The following CFAP44 variants were observed in gnomAD, a reference collection of about 807,000 sequenced individuals.
The protein encoded by CFAP44 is cilia- and flagella-associated protein 44.
A neutral mutation model predicts 216.2 loss-of-function variants in CFAP44; 134 were observed. That is an observed-to-expected ratio of 0.62 (90% CI 0.54 to 0.72). The LOEUF (loss-of-function observed/expected upper bound fraction) is 0.72, where lower values mean the gene tolerates loss of function less well. CFAP44 is among the 30% of genes least tolerant of loss of function. The pLI, the probability that CFAP44 is intolerant of heterozygous loss-of-function variation, is 0.00. For missense variants in CFAP44, 2,035 were observed against 2,182.1 expected (o/e 0.93, Z 1.34); for synonymous variants, 700 against 727.6 (o/e 0.96, Z 0.61).
At chr3:113,317,155 C>T (rs1414708546) in intron 28 of CFAP44, among the ~76,000 whole-genome samples, 3 of 152,172 alleles carry the variant, frequency 2.0e-5, no homozygotes, top group Non-Finnish European at 2.9e-5. Flanking sequence ...TCACTCTTAC[C>T]ACAGACCTCT....
intron 24 of CFAP44, among the ~76,000 whole-genome samples, chr3:113,338,634 A>G (rs9844111): frequency 0.23 from 34,291 of 152,078 alleles, 4,181 homozygotes; most frequent in East Asian, 0.41. Context: ...GAAAAGTAAC[A>G]TAACATCTCT....
chr3:113,390,086 G>T (rs61007952), intron 15 of CFAP44, among the ~76,000 whole-genome samples: 2,545 of 152,214 alleles, frequency 0.017, 56 homozygotes, highest in African/African-American at 0.049. Context: ...GAATATTGAT[G>T]CAAAACCTCA....
At chr3:113,359,818 A>G (rs907605015) in intron 21 of CFAP44, among the ~76,000 whole-genome samples, 4 of 152,178 alleles carry the variant, frequency 2.6e-5, no homozygotes, top group Non-Finnish European at 5.9e-5. Context: ...GGGCTTTGCA[A>G]TAAGTCACAA....
At chr3:113,333,061 C>G (rs533665091) in intron 25 of CFAP44, among the ~76,000 whole-genome samples, 3 of 152,258 alleles carry the variant, frequency 2.0e-5, no homozygotes, top group Admixed American at 2.0e-4. Context: ...TAGAGACATT[C>G]ATCAGAGAGT....
intron 23 of CFAP44, among the ~76,000 whole-genome samples, chr3:113,343,137 C>A (rs1950350429): frequency 1.4e-5 from 2 of 142,638 alleles, no homozygotes; most frequent in East Asian, 2.1e-4. Flanking sequence ...TGTTGGCTCA[C>A]TGCAACCTCC....
rs140397848 is a variant in CFAP44 at position 113,296,457 on chromosome 3, A to G, written c.5238+268T>C. On this transcript the variant is annotated intron_variant, in intron 33 of 34. Transcript: ENST00000393845. ...GTAGGCCTCAAAATGAGATCTCTCC[A>G]TAATCTTTCATCCATTTTACATAAT... Among the ~76,000 whole-genome samples, 11 of 152,300 alleles carry G rather than the reference A, an allele frequency of 7.2e-5. No homozygotes were observed. The East Asian group carries it at 2.1e-3, about 29-fold the overall frequency.
At chr3:113,393,117 A>C (rs1933890470) in intron 15 of CFAP44, among the ~76,000 whole-genome samples, 1 of 152,198 alleles carries the variant, frequency 6.6e-6, no homozygotes, top group Non-Finnish European at 1.5e-5. Flanking sequence ...TTATGCTCAG[A>C]TATGAGATCT....
chr3:113,309,443 A>G (rs764737293), intron 28 of CFAP44, among the ~76,000 whole-genome samples: 65 of 152,174 alleles, frequency 4.3e-4, no homozygotes, highest in Admixed American at 1.2e-3. Context: ...AAACCCCATT[A>G]TAGTAGCCCC....
intron 1 of CFAP44, chr3:113,435,052 T>C (rs562110813): frequency 1.3e-5 from 2 of 152,350 alleles, no homozygotes; most frequent in African/African-American, 2.4e-5. Context: ...ATTTGTATTA[T>C]AAACTATGAT....
intron 17 of CFAP44, among the ~76,000 whole-genome samples, chr3:113,377,825 T>C (rs1933393405): frequency 6.6e-6 from 1 of 152,052 alleles, no homozygotes. Flanking sequence ...GCTAATGTTT[T>C]GTATTTTAGT....
At position 113,287,085 on chromosome 3, in the gene CFAP44, G is replaced by A; in HGVS notation, c.*4472C>T. 1 of 577,490 alleles carries A rather than the reference G, an allele frequency of 1.7e-6. No individual in the cohort carries two copies. The highest frequency in any genetic ancestry group is 3.2e-6 in the Non-Finnish European group (1 of 314,778). 35.8% of individuals were successfully genotyped at this position (577,490 alleles called of 1,614,324 possible). ...AAATAAAGAAGCTGCCACCTAACAG[G>A]AGTCACCCAGGAAAGCACCGCACAG... is the stretch of plus-strand genomic sequence containing the variant. On this transcript the variant is annotated 3_prime_UTR_variant, in exon 35 of 35. Transcript: ENST00000393845.
At chr3:113,334,275 G>C (rs561967713) in intron 24 of CFAP44, among the ~76,000 whole-genome samples, 9 of 152,222 alleles carry the variant, frequency 5.9e-5, no homozygotes, top group Non-Finnish European at 1.2e-4. Flanking sequence ...TTGCATAAGT[G>C]CTTGCTGTAA....
intron 28 of CFAP44, among the ~76,000 whole-genome samples, chr3:113,317,976 C>T (rs1407037793): frequency 6.6e-6 from 1 of 151,932 alleles, no homozygotes; most frequent in Non-Finnish European, 1.5e-5. Flanking sequence ...CTTCAGAACA[C>T]ACCTGCAAAC....
At chr3:113,382,362 G>C (rs1433742271) in intron 15 of CFAP44, among the ~76,000 whole-genome samples, 1 of 152,138 alleles carries the variant, frequency 6.6e-6, no homozygotes, top group African/African-American at 2.4e-5. Flanking sequence ...GGATATTATT[G>C]GTGCTTTTAG....
chr3:113,338,302 G>A (rs1390298780), intron 24 of CFAP44, among the ~76,000 whole-genome samples: 3 of 128,736 alleles, frequency 2.3e-5, no homozygotes, highest in Middle Eastern at 4.3e-3. Context: ...CTCTGTTAAG[G>A]GAATGAAAAG....
chr3:113,426,634 C>T, intron 3 of CFAP44: 1 of 216,118 alleles, frequency 4.6e-6, no homozygotes, highest in Admixed American at 5.2e-5. Context: ...ATAAATTACC[C>T]AGTCTCAGGT....
intron 21 of CFAP44, among the ~76,000 whole-genome samples, chr3:113,359,262 C>T (rs984756002): frequency 6.6e-6 from 1 of 152,154 alleles, no homozygotes; most frequent in Non-Finnish European, 1.5e-5. Flanking sequence ...TGTGACCCCA[C>T]CCAGGAAAGA....
chr3:113,396,115 C>T (rs969531624), intron 14 of CFAP44, among the ~76,000 whole-genome samples: 30 of 152,124 alleles, frequency 2.0e-4, no homozygotes, highest in African/African-American at 7.0e-4. Context: ...AAAAATTATA[C>T]CATGCATATG....
chr3:113,358,136 C>T (rs1047463806), intron 22 of CFAP44, among the ~76,000 whole-genome samples: 15 of 152,046 alleles, frequency 9.9e-5, no homozygotes, highest in South Asian at 4.1e-4. Context: ...ACAAACAAAA[C>T]TAATACATGG....
Sources: gnomAD v4.1 joint callset for allele counts (sites outside exome capture counted in the v4.1 genomes callset) on GRCh38, gnomAD v4.1.1 for gene constraint, MANE v1.5 for transcripts, NCBI Gene and HGNC (gene_info 2026-07-23, HGNC 2026-07-21) for gene names.